VWA5A: variants seen among roughly 807,000 people sequenced by gnomAD.
VWA5A encodes the protein von Willebrand factor A domain containing 5A, also known as von Willebrand factor A domain-containing protein 5A.
VWA5A carries 77 observed loss-of-function variants against 84.6 expected under a neutral mutation model. The ratio of observed to expected loss-of-function variants is 0.91; its 90% CI spans 0.76 to 1.10. The LOEUF is 1.10. Among genes scored for constraint, VWA5A ranks in the 50% least tolerant of loss-of-function variants. The pLI, the probability that VWA5A is intolerant of heterozygous loss-of-function variation, is 0.00. For synonymous variants in VWA5A, 334 were observed against 350.1 expected, an observed-to-expected ratio of 0.95 and a Z score of 0.51; for missense variants, 973 against 963.0, an observed-to-expected ratio of 1.01 and a Z score of -0.14.
rs748052139 is a variant in VWA5A, at chr11:124,137,225, T to C, written c.1836T>C (p.Ile612=). 2 of 1,614,148 alleles carry C rather than the reference T, an allele frequency of 1.2e-6. No homozygotes were observed. Among genetic ancestry groups the C allele is most frequent in the Non-Finnish European group, 1.7e-6 (2 of 1,180,026 alleles). Residue 612 remains isoleucine, a synonymous_variant, in exon 15 of 19, where the codon ATT becomes ATC. Transcript: ENST00000456829. ...PLAHRDVPRP[I]LLGASAPLKI... The stretch of plus-strand genomic sequence containing the variant: ...CTCATAGGGACGTCCCAAGGCCAAT[T>C]CTGTTGGGTGCTTCTGCCCCATTGA...
rs530000304 is a variant in VWA5A, at chr11:124,118,592, C to T, written c.529C>T (p.Pro177Ser). Residue 177 changes from proline (P) to serine (S), a missense_variant, in exon 6 of 19, where the codon CCC becomes TCC. Transcript: ENST00000456829. Reference sequence around the variant, plus strand: ...TCCTATAGTCCCTGTGGAGGACCTGCCCTACACACTCAGCATGGTCGCCAC... The same window carrying T: ...TCCTATAGTCCCTGTGGAGGACCTGTCCTACACACTCAGCATGGTCGCCAC... ...KTPIVPVEDL[P>S]YTLSMVATID... The T allele has an allele frequency of 6.2e-7, 1 of 1,614,170 alleles. No individual in the cohort carries two copies. The highest frequency in any genetic ancestry group is 1.3e-5 in the African/African-American group (1 of 75,038).
chr11:124,117,942 C>T (rs774418756), intron 4 of VWA5A, 67 bp downstream of exon 4: 6 of 1,557,992 alleles, frequency 3.9e-6, no homozygotes, highest in Non-Finnish European at 5.3e-6. Context: ...TTAATGCATA[C>T]TCTTTATGAT....
chr11:124,122,889 C>G (rs1864951967), intron 7 of VWA5A, 71 bp from the exon 8 acceptor site: 5 of 1,443,764 alleles, frequency 3.5e-6, no homozygotes, highest in African/African-American at 2.8e-5. Context: ...GAATTCACTA[C>G]CATTGATTCT....
intron 15 of VWA5A, among the ~76,000 whole-genome samples, chr11:124,137,591 T>C (rs1860635419): frequency 6.6e-6 from 1 of 152,238 alleles, no homozygotes; most frequent in Non-Finnish European, 1.5e-5. Flanking sequence ...TCAAATATCA[T>C]ACAATTCACC....
At chr11:124,142,749 G>T (rs1351136820) in intron 17 of VWA5A, among the ~76,000 whole-genome samples, 177 bp downstream of exon 17, 1 of 152,114 alleles carries the variant, frequency 6.6e-6, no homozygotes, top group Non-Finnish European at 1.5e-5. Context: ...AAAGATCAAG[G>T]GATTAATGGG....
chr11:124,142,109 A>T (rs1038494216), intron 16 of VWA5A, among the ~76,000 whole-genome samples: 1 of 152,156 alleles, frequency 6.6e-6, no homozygotes, highest in Non-Finnish European at 1.5e-5. Context: ...TTAGGATATC[A>T]TATAGGACCT....
chr11:124,122,289 A>G (rs562331207), intron 7 of VWA5A, among the ~76,000 whole-genome samples: 2 of 152,304 alleles, frequency 1.3e-5, no homozygotes, highest in Non-Finnish European at 2.9e-5. Flanking sequence ...AAAAATAGTC[A>G]CAGCTGTGGC....
In VWA5A at chr11:124,123,022, C is replaced by T. The variant is rs1215429082; in HGVS notation, c.823C>T (p.Pro275Ser). The T allele has an allele frequency of 6.2e-7, 1 of 1,614,038 alleles. No individual in the cohort carries two copies. The highest frequency in any genetic ancestry group is 2.2e-5 in the East Asian group (1 of 44,888). Residue 275 changes from proline to serine, a missense_variant, in exon 8 of 19, where the codon CCA becomes TCA. By Grantham distance (74) the Pro-to-Ser change is moderately conservative. Coordinates refer to ENST00000456829, the MANE Select transcript of VWA5A (RefSeq NM_001130142.2). ...CTATCCAAATATCCCAGAAGATCAA[C>T]CATCAAATACCTGTGGAGAGTTTAT... ...SFYPNIPEDQ[P>S]SNTCGEFIFL... is the part of the protein sequence containing the mutation.
intron 1 of VWA5A, chr11:124,116,087 A>AC (rs1487474384): frequency 2.6e-5 from 4 of 152,138 alleles, no homozygotes; most frequent in African/African-American, 9.7e-5. Flanking sequence ...CGGTGGTGCC[A>AC]CCCAGCTCCC....
intron 7 of VWA5A, 141 bp from the exon 8 acceptor site, chr11:124,122,819 G>C: frequency 2.6e-6 from 2 of 772,336 alleles, no homozygotes; most frequent in Non-Finnish European, 4.1e-6. Context: ...CCCATTGCAA[G>C]CAGTTATGGT....
intron 15 of VWA5A, among the ~76,000 whole-genome samples, chr11:124,140,241 A>G (rs980288408): frequency 2.0e-5 from 3 of 152,088 alleles, no homozygotes; most frequent in African/African-American, 7.2e-5. Flanking sequence ...TTGGCCTGTA[A>G]CTTTACTTTT....
chr11:124,130,735 C>A (rs561027161), intron 11 of VWA5A, among the ~76,000 whole-genome samples: 2 of 152,070 alleles, frequency 1.3e-5, no homozygotes, highest in South Asian at 2.1e-4. Flanking sequence ...TTATGTAATG[C>A]CCTTCTTTGT....
Position 124,146,056 on chromosome 11 carries a change from A to G in VWA5A, c.*111A>G. ...GTATTATAACTCTTTATTTTTTGCC[A>G]TAAAAGTAAAGGATGCTTACTCCAC... On this transcript the variant is annotated 3_prime_UTR_variant, in exon 19 of 19. Coordinates refer to ENST00000456829, the MANE Select transcript of VWA5A (RefSeq NM_001130142.2). 1.7e-6 allele frequency: 2 copies of G among 1,177,790 alleles called. No individual in the cohort carries two copies. The highest frequency in any genetic ancestry group is 2.5e-5 in the Admixed American group (1 of 39,476). 73.0% of individuals were successfully genotyped at this position (1,177,790 alleles called of 1,614,324 possible).
chr11:124,118,638 T>C lies in VWA5A; in HGVS notation c.575T>C (p.Ile192Thr). Residue 192 changes from isoleucine (I) to threonine (T), a missense_variant, in exon 6 of 19, where the codon ATT becomes ACT. Transcript: ENST00000456829. Reference protein sequence around the residue: ...MVATIDSQHGIEKVQSNCPLS... With the variant: ...MVATIDSQHGTEKVQSNCPLS... ...GCCACCATAGATTCCCAGCATGGCA[T>C]TGAGAAGGTCCAATCCAACTGCCCC... 4 of 1,614,140 alleles carry C rather than the reference T, an allele frequency of 2.5e-6. No homozygotes were observed. Among genetic ancestry groups the C allele is most frequent in the Non-Finnish European group, 3.4e-6 (4 of 1,180,014 alleles).
intron 7 of VWA5A, among the ~76,000 whole-genome samples, chr11:124,121,120 A>C (rs554933980): frequency 6.6e-6 from 1 of 152,238 alleles, no homozygotes; most frequent in East Asian, 1.9e-4. Context: ...CACTGAAACC[A>C]TTCAGAGTTC....
intron 15 of VWA5A, among the ~76,000 whole-genome samples, chr11:124,141,369 G>A (rs1394430434): frequency 1.3e-5 from 2 of 152,140 alleles, no homozygotes; most frequent in African/African-American, 4.8e-5. Flanking sequence ...AACTAAAGAT[G>A]CAGGAAAAAT....
rs751612372 is a variant in VWA5A, at chr11:124,135,044, AGACT to A, written c.1359+16_1359+19del. ...CAGGATGCAGTCCAAGGTGAGGGAC[AGACT>A]GACTGTGTCTGTCTGGAGGTGGCAA... On this transcript the variant is annotated intron_variant, in intron 12 of 18. Coordinates refer to ENST00000456829, the MANE Select transcript of VWA5A (RefSeq NM_001130142.2). The A allele has an allele frequency of 2.5e-6, 4 of 1,608,438 alleles. No homozygotes were observed. The highest frequency in any genetic ancestry group is 8.5e-7 in the Non-Finnish European group (1 of 1,176,900).
Position 124,141,693 on chromosome 11 carries a change from G to A in VWA5A, c.1975G>A (p.Asp659Asn), listed in dbSNP as rs1161707401. ...CYKAKTFQMD[D>N]YSLCGLISHK... ...TAAGGCCAAGACATTCCAGATGGAC[G>A]ATTACAGTCTCTGTGGGTTGATAAG... is the stretch of plus-strand genomic sequence containing the variant. Residue 659 changes from aspartate to asparagine, a missense_variant, in exon 16 of 19, where the codon GAT becomes AAT. Transcript: ENST00000456829. The A allele has an allele frequency of 1.1e-5, 17 of 1,614,038 alleles. No individual in the cohort carries two copies. Among genetic ancestry groups the A allele is most frequent in the Admixed American group, 1.7e-5 (1 of 60,002 alleles).
intron 11 of VWA5A, chr11:124,124,607 A>G: frequency 9.2e-7 from 1 of 1,089,398 alleles, no homozygotes; most frequent in Non-Finnish European, 1.1e-6. Flanking sequence ...GAGAAGTAAA[A>G]CATGCTGAAA....
Sources: gnomAD v4.1 joint callset for allele counts (sites outside exome capture counted in the v4.1 genomes callset) on GRCh38, gnomAD v4.1.1 for gene constraint, MANE v1.5 for transcripts, NCBI Gene and HGNC (gene_info 2026-07-23, HGNC 2026-07-21) for gene names.